Variants in RPIA observed in about 807,000 individuals in gnomAD.
RPIA encodes ribose 5-phosphate isomerase A, also known as ribose-5-phosphate isomerase.
Under a neutral mutation model 37.8 loss-of-function variants are expected in RPIA, and 29 were observed. The observed-to-expected ratio is 0.77, with a 90% CI of 0.57 to 1.05. The LOEUF (loss-of-function observed/expected upper bound fraction) is 1.05. Among genes scored for constraint, RPIA ranks in the 50% least tolerant of loss-of-function variants. The pLI is 0.00. For missense variants in RPIA, 385 were observed against 413.6 expected (o/e 0.93, Z 0.60); for synonymous variants, 167 against 157.0 (o/e 1.06, Z -0.48).
At chr2:88,715,618 C>T (rs572400921) in intron 3 of RPIA, among the ~76,000 whole-genome samples, 4 of 152,256 alleles carry the variant, frequency 2.6e-5, no homozygotes, top group African/African-American at 9.6e-5. Context: ...TTCTTGTTAA[C>T]CCTGTGAGGT....
chr2:88,691,706 GC>G lies in RPIA; in HGVS notation c.12del (p.Phe7SerfsTer88). On this transcript the variant is annotated frameshift_variant, in exon 1 of 9. Coordinates refer to ENST00000283646, the MANE Select transcript of RPIA (RefSeq NM_144563.3). LOFTEE classifies it high-confidence loss of function. Reference sequence around the variant, plus strand: ...CCGGAGCGAGGCGTCGGGATGCAGCGCCCCGGGCCCTTCAGCACCCTCTACG... The same window carrying G: ...CCGGAGCGAGGCGTCGGGATGCAGCGCCCGGGCCCTTCAGCACCCTCTACG... MQ[R>X]PGPFSTLYGR... is the part of the protein sequence containing the mutation. 1 of 1,574,354 alleles carries G rather than the reference GC, an allele frequency of 6.4e-7. No homozygotes were observed. Among genetic ancestry groups the G allele is most frequent in the Non-Finnish European group, 8.6e-7 (1 of 1,168,036 alleles).
At chr2:88,746,551 G>A (rs773833397) in intron 8 of RPIA, among the ~76,000 whole-genome samples, 8 of 152,206 alleles carry the variant, frequency 5.3e-5, no homozygotes, top group African/African-American at 9.6e-5. Flanking sequence ...CACCCAGTGC[G>A]GCTACTGGGC....
At chr2:88,712,096 A>T (rs1453216201) in intron 3 of RPIA, among the ~76,000 whole-genome samples, 1 of 152,134 alleles carries the variant, frequency 6.6e-6, no homozygotes, top group African/African-American at 2.4e-5. Flanking sequence ...CCTGAACTTG[A>T]TTTTCAGGTT....
At chr2:88,698,376 T>C in intron 1 of RPIA, 108 bp from the exon 2 acceptor site, 2 of 936,286 alleles carry the variant, frequency 2.1e-6, no homozygotes, top group South Asian at 1.3e-5. Flanking sequence ...TGTACCTGTG[T>C]TGGTGGATTG....
chr2:88,715,048 G>T (rs776907964), intron 3 of RPIA, among the ~76,000 whole-genome samples: 3 of 152,162 alleles, frequency 2.0e-5, no homozygotes, highest in Non-Finnish European at 2.9e-5. Context: ...CACACAATAG[G>T]TTCGTCACTT....
In RPIA at chr2:88,737,992, G is replaced by A; in HGVS notation, c.754G>A (p.Asp252Asn). 6.2e-7 allele frequency: 1 copy of A among 1,613,746 alleles called. No homozygotes were observed. Among genetic ancestry groups the A allele is most frequent in the Non-Finnish European group, 8.5e-7 (1 of 1,179,648 alleles). Residue 252 changes from aspartate (D) to asparagine (N), a missense_variant, in exon 8 of 9, where the codon GAT becomes AAT. Coordinates refer to ENST00000283646, the MANE Select transcript of RPIA (RefSeq NM_144563.3). ...TATCTTCTAGGGTCCTGTGGTGACA[G>A]ATAATGGGAATTTTATCTTGGACTG... ...AVNKAGPVVT[D>N]NGNFILDWKF...
At position 88,695,746 on chromosome 2, in the gene RPIA, G is replaced by A. The variant is rs371065343; in HGVS notation, c.286-2738G>A. On this transcript the variant is annotated intron_variant, in intron 1 of 8. Transcript: ENST00000283646. ...TATAGGTGGAATCCTGACCTAGTGC[G>A]AGCCCTGTTCTGACAGCCCAAGCCC... Among the ~76,000 whole-genome samples, 30 of 152,252 alleles carry A rather than the reference G, an allele frequency of 2.0e-4. No individual in the cohort carries two copies. The South Asian group carries it at 6.0e-3, about 30-fold the overall frequency.
At position 88,719,441 on chromosome 2, in the gene RPIA, T is replaced by C. The variant is rs117605057; in HGVS notation, c.403-9837T>C. 2.0e-4 allele frequency among the ~76,000 whole-genome samples: 30 copies of C among 152,272 alleles called. No homozygotes were observed. The East Asian group carries it at 5.8e-3, about 29-fold the overall frequency. On this transcript the variant is annotated intron_variant, in intron 3 of 8. Transcript: ENST00000283646. ...TTTTTATACCAAATAAGCCAAATTA[T>C]GTCATTGTTTTAGATTTTAGGGAAC...
At chr2:88,714,955 AG>A (rs1358722925) in intron 3 of RPIA, among the ~76,000 whole-genome samples, 1 of 152,214 alleles carries the variant, frequency 6.6e-6, no homozygotes, top group Non-Finnish European at 1.5e-5. Flanking sequence ...CTGTTTTGGG[AG>A]TACAGAGGGA....
chr2:88,695,902 A>G (rs1279259556), intron 1 of RPIA, among the ~76,000 whole-genome samples: 1 of 151,632 alleles, frequency 6.6e-6, no homozygotes, highest in African/African-American at 2.4e-5. Flanking sequence ...GTATATATGT[A>G]TATGGTTGTG....
intron 1 of RPIA, 74 bp downstream of exon 1, chr2:88,692,057 C>G (rs771609790): frequency 9.3e-6 from 14 of 1,503,542 alleles, no homozygotes; most frequent in Non-Finnish European, 1.2e-5. Context: ...GTTGTGGGTG[C>G]TGCCGGGGCG....
At chr2:88,726,276 G>T (rs1021914179) in intron 3 of RPIA, among the ~76,000 whole-genome samples, 1 of 152,172 alleles carries the variant, frequency 6.6e-6, no homozygotes, top group African/African-American at 2.4e-5. Flanking sequence ...ATCATTTAAG[G>T]CAAGCTTGTC....
intron 3 of RPIA, among the ~76,000 whole-genome samples, 153 bp from the exon 4 acceptor site, chr2:88,729,125 A>T (rs1335731204): frequency 1.3e-5 from 2 of 152,322 alleles, no homozygotes; most frequent in East Asian, 3.9e-4. Flanking sequence ...TTTGCCATTC[A>T]TGGGGCTAGA....
Position 88,691,916 on chromosome 2 carries a change from C to A in RPIA, c.218C>A (p.Ser73Tyr). ...GDSNSICPAP[S>Y]TMSKAEEAKK... ...TCCAACAGCATCTGCCCGGCCCCCT[C>A]CACGATGTCCAAGGCCGAGGAGGCC... Residue 73 changes from serine to tyrosine, a missense_variant, in exon 1 of 9, where the codon TCC becomes TAC. By Grantham distance (144) the Ser-to-Tyr change is moderately radical. Around this residue, in one of 2 missense-constraint regions of RPIA, gnomAD observed 232 missense variants for 203.0 expected, o/e 1.14. Transcript: ENST00000283646. 6.3e-7 allele frequency: 1 copy of A among 1,595,506 alleles called. No homozygotes were observed. Among genetic ancestry groups the A allele is most frequent in the East Asian group, 2.3e-5 (1 of 44,144 alleles).
chr2:88,713,296 G>C (rs946164868), intron 3 of RPIA, among the ~76,000 whole-genome samples: 1 of 150,714 alleles, frequency 6.6e-6, no homozygotes, highest in Admixed American at 6.6e-5. Context: ...TGAATAGCTG[G>C]AATACAAATG....
intron 3 of RPIA, among the ~76,000 whole-genome samples, chr2:88,706,913 A>G (rs1257823266): frequency 1.3e-5 from 2 of 152,210 alleles, no homozygotes; most frequent in Non-Finnish European, 2.9e-5. Flanking sequence ...TTATATGTCT[A>G]GTTATTATCT....
intron 3 of RPIA, among the ~76,000 whole-genome samples, chr2:88,714,712 G>A (rs1673010990): frequency 6.6e-6 from 1 of 152,188 alleles, no homozygotes; most frequent in Non-Finnish European, 1.5e-5. Flanking sequence ...TCAGTATTCT[G>A]GATGTAAACT....
Position 88,750,043 on chromosome 2 carries a change from G to T in RPIA, c.901G>T (p.Gly301Cys), listed in dbSNP as rs1197110836. ...GAGAGTCTACTTTGGGATGCAGGAT[G>T]GCTCAGTGAACATGAGGGAGAAGCC... ...AERVYFGMQD[G>C]SVNMREKPFC Residue 301 changes from glycine (G) to cysteine (C), a missense_variant, in exon 9 of 9, where the codon GGC (glycine) becomes TGC (cysteine). By Grantham distance (159) the Gly-to-Cys change is radical. Around this residue, in one of 2 missense-constraint regions of RPIA, gnomAD observed 153 missense variants for 210.6 expected, o/e 0.73. Coordinates refer to ENST00000283646, the MANE Select transcript of RPIA (RefSeq NM_144563.3). 1 of 1,613,120 alleles carries T rather than the reference G, an allele frequency of 6.2e-7. No individual in the cohort carries two copies. The highest frequency in any genetic ancestry group is 1.7e-5 in the Admixed American group (1 of 59,974).
At chr2:88,706,305 A>T (rs982815941) in intron 3 of RPIA, among the ~76,000 whole-genome samples, 1 of 152,200 alleles carries the variant, frequency 6.6e-6, no homozygotes. Context: ...GAATCAACCC[A>T]AATGCCACCA....
Sources: gnomAD v4.1 joint callset for allele counts (sites outside exome capture counted in the v4.1 genomes callset) on GRCh38, gnomAD v4.1.1 for gene constraint, gnomAD v4.1.1 regional missense constraint, MANE v1.5 for transcripts, NCBI Gene and HGNC (gene_info 2026-07-23, HGNC 2026-07-21) for gene names.